Variants in NR1H4 observed in about 807,000 individuals in gnomAD.
NR1H4 encodes the protein nuclear receptor subfamily 1 group H member 4, also known as bile acid receptor.
A neutral mutation model predicts 58.5 loss-of-function variants in NR1H4; 23 were observed. The ratio of observed to expected loss-of-function variants is 0.39; its 90% CI spans 0.28 to 0.56. The LOEUF (loss-of-function observed/expected upper bound fraction) is 0.56, where lower values mean the gene tolerates loss of function less well. Among genes scored for constraint, NR1H4 ranks in the 20% least tolerant of loss-of-function variants. NR1H4 has a pLI of 0.58. For missense variants in NR1H4, 487 were observed against 576.9 expected (o/e 0.84, Z 1.60); for synonymous variants, 214 against 198.0 (o/e 1.08, Z -0.68).
At chr12:100,515,914 A>C (rs1225371140) in intron 4 of NR1H4, among the ~76,000 whole-genome samples, 4 of 152,274 alleles carry the variant, frequency 2.6e-5, no homozygotes, top group African/African-American at 9.6e-5. Flanking sequence ...CAGCAGTATC[A>C]GTATCACTAG....
chr12:100,475,688 C>T lies in NR1H4; in HGVS notation c.-190+1629C>T, dbSNP rs117111541. 1.7e-3 allele frequency among the ~76,000 whole-genome samples: 261 copies of T among 152,250 alleles called. 4 individuals are homozygous for T. The highest frequency in any genetic ancestry group is 0.014 in the East Asian group (70 of 5,184). On this transcript the variant is annotated intron_variant, in intron 1 of 10. Transcript: ENST00000392986. ...AACATGTCCTAGCCTTTACTTCATTCGCCTGTTTCCTTCTCACAAAAACCC... is the reference window on the plus strand; with the variant it reads ...AACATGTCCTAGCCTTTACTTCATTTGCCTGTTTCCTTCTCACAAAAACCC...
chr12:100,478,753 A>G (rs906103143), intron 1 of NR1H4, among the ~76,000 whole-genome samples: 5 of 152,200 alleles, frequency 3.3e-5, no homozygotes, highest in Non-Finnish European at 7.3e-5. Flanking sequence ...CCTGGTGCAT[A>G]CCAGCAAAGA....
At chr12:100,502,038 A>C (rs973861039) in intron 3 of NR1H4, among the ~76,000 whole-genome samples, 3 of 152,248 alleles carry the variant, frequency 2.0e-5, no homozygotes, top group African/African-American at 7.2e-5. Context: ...GTACAACATG[A>C]GTCCAAAGCT....
chr12:100,562,892 A>C (rs1030938973), intron 10 of NR1H4, among the ~76,000 whole-genome samples: 12 of 152,228 alleles, frequency 7.9e-5, no homozygotes, highest in African/African-American at 9.6e-5. Context: ...TTGTGACTAA[A>C]AAACTATTCA....
chr12:100,563,897 T>C lies in NR1H4; in HGVS notation c.*408T>C, dbSNP rs1489988851. The C allele has an allele frequency of 5.6e-6, 1 of 178,340 alleles. No homozygotes were observed. Among genetic ancestry groups the C allele is most frequent in the Non-Finnish European group, 1.2e-5 (1 of 83,774 alleles). 11.0% of individuals were successfully genotyped at this position (178,340 alleles called of 1,614,324 possible). ...CTTTGGGAACAAAATTTGATAAATATACAAACTCATTTCTTTAAATGTTGA... is the reference window on the plus strand; with the variant it reads ...CTTTGGGAACAAAATTTGATAAATACACAAACTCATTTCTTTAAATGTTGA... On this transcript the variant is annotated 3_prime_UTR_variant, in exon 11 of 11. Transcript: ENST00000392986.
chr12:100,493,846 C>T (rs964916145), intron 3 of NR1H4, among the ~76,000 whole-genome samples: 1 of 152,092 alleles, frequency 6.6e-6, no homozygotes, highest in Non-Finnish European at 1.5e-5. Context: ...GGATCTATGG[C>T]ACAGTGTCAG....
In NR1H4 at chr12:100,563,409, C is replaced by A; in HGVS notation, c.1351C>A (p.His451Asn). The A allele has an allele frequency of 1.2e-6, 2 of 1,614,130 alleles. No individual in the cohort carries two copies. The highest frequency in any genetic ancestry group is 1.7e-6 in the Non-Finnish European group (2 of 1,180,024). ...LTELRTFNHHHAEMLMSWRVN... is the reference protein window; with the variant it reads ...LTELRTFNHHNAEMLMSWRVN... ...TGAATTACGGACATTCAATCATCAC[C>A]ACGCTGAGATGCTGATGTCATGGAG... Residue 451 changes from histidine (H) to asparagine (N), a missense_variant, in exon 11 of 11, where the codon CAC becomes AAC. Physicochemically the swap from His to Asn is moderately conservative, Grantham distance 68. Coordinates refer to ENST00000392986, the MANE Select transcript of NR1H4 (RefSeq NM_001206979.2).
At chr12:100,489,731 T>A (rs1953567201) in intron 1 of NR1H4, among the ~76,000 whole-genome samples, 1 of 152,214 alleles carries the variant, frequency 6.6e-6, no homozygotes, top group African/African-American at 2.4e-5. Context: ...CAATTGTAAT[T>A]GTATTTAGGT....
intron 1 of NR1H4, among the ~76,000 whole-genome samples, chr12:100,485,214 T>G (rs1056525713): frequency 6.6e-6 from 1 of 152,134 alleles, no homozygotes; most frequent in Non-Finnish European, 1.5e-5. Context: ...CTACAAAGGA[T>G]AGACTGAATA....
At chr12:100,551,044 A>G (rs535793356) in intron 9 of NR1H4, among the ~76,000 whole-genome samples, 2 of 152,294 alleles carry the variant, frequency 1.3e-5, no homozygotes, top group African/African-American at 4.8e-5. Flanking sequence ...TGGGTATTCT[A>G]ACTCAGAGCC....
intron 1 of NR1H4, among the ~76,000 whole-genome samples, chr12:100,491,613 G>GTTTAGAATGGAT (rs1953608185): frequency 1.3e-5 from 2 of 151,422 alleles, no homozygotes. Flanking sequence ...CTCTCTATGA[G>GTTTAGAATGGAT]TTTAGAATGG....
At chr12:100,530,156 T>G (rs535870698) in intron 4 of NR1H4, among the ~76,000 whole-genome samples, 1 of 152,348 alleles carries the variant, frequency 6.6e-6, no homozygotes, top group South Asian at 2.1e-4. Flanking sequence ...TAGTTGGTAC[T>G]TAACAGTAAA....
chr12:100,493,261 T>A lies in NR1H4; in HGVS notation c.-54-9T>A. 1.2e-6 allele frequency: 1 copy of A among 817,412 alleles called. No individual in the cohort carries two copies. Among genetic ancestry groups the A allele is most frequent in the Non-Finnish European group, 2.1e-6 (1 of 474,594 alleles). 50.6% of individuals were successfully genotyped at this position (817,412 alleles called of 1,614,324 possible). On this transcript the variant is annotated splice_polypyrimidine_tract_variant and intron_variant, in intron 2 of 10. Coordinates refer to ENST00000392986, the MANE Select transcript of NR1H4 (RefSeq NM_001206979.2). ...TCCCACAGTCACAAACTATTTATTT[T>A]CCTTTCAGGAGTTTTTTTTGAAGAC... is the stretch of plus-strand genomic sequence containing the variant.
chr12:100,531,498 G>A (rs1440344466), intron 4 of NR1H4, among the ~76,000 whole-genome samples: 1 of 152,174 alleles, frequency 6.6e-6, no homozygotes, highest in Non-Finnish European at 1.5e-5. Context: ...TCCCGAAGAT[G>A]AGAGGTCTCT....
intron 5 of NR1H4, 79 bp downstream of exon 5, chr12:100,532,689 A>G: frequency 2.3e-6 from 3 of 1,301,962 alleles, no homozygotes; most frequent in Non-Finnish European, 3.3e-6. Context: ...CGAGAGTGCT[A>G]CTTCACATAT....
At chr12:100,539,264 C>T (rs1183996868) in intron 8 of NR1H4, among the ~76,000 whole-genome samples, 3 of 152,020 alleles carry the variant, frequency 2.0e-5, no homozygotes, top group Non-Finnish European at 4.4e-5. Context: ...AAAAAATTGA[C>T]AATAATGACA....
At chr12:100,536,737 G>T in intron 7 of NR1H4, 127 bp downstream of exon 7, 1 of 704,258 alleles carries the variant, frequency 1.4e-6, no homozygotes, top group Non-Finnish European at 2.5e-6. Context: ...ATTCAAGTTA[G>T]ACTTTTAAAC....
chr12:100,530,236 A>G (rs935744839), intron 4 of NR1H4, among the ~76,000 whole-genome samples: 3 of 152,210 alleles, frequency 2.0e-5, no homozygotes, highest in African/African-American at 7.2e-5. Flanking sequence ...TTAGTGCATG[A>G]CTGCCTGGGT....
chr12:100,504,802 G>C (rs1953919323), intron 3 of NR1H4, among the ~76,000 whole-genome samples: 1 of 152,198 alleles, frequency 6.6e-6, no homozygotes, highest in Admixed American at 6.5e-5. Context: ...GCACTCTTAG[G>C]TAGTATCTCA....
Sources: gnomAD v4.1 joint callset for allele counts (sites outside exome capture counted in the v4.1 genomes callset) on GRCh38, gnomAD v4.1.1 for gene constraint, MANE v1.5 for transcripts, NCBI Gene and HGNC (gene_info 2026-07-23, HGNC 2026-07-21) for gene names.